The following SORCS3 variants were observed in gnomAD, a reference collection of about 807,000 sequenced individuals.
SORCS3 encodes the protein sortilin related VPS10 domain containing receptor 3.
In SORCS3, 57 loss-of-function variants were observed where a neutral mutation model predicts 146.3. The observed-to-expected ratio is 0.39, with a 90% CI of 0.31 to 0.49. The LOEUF is 0.49. SORCS3 is among the 20% of genes least tolerant of loss of function. SORCS3 has a pLI of 0.92. For missense variants in SORCS3, 1,341 were observed against 1,575.5 expected (o/e 0.85, Z 2.52); for synonymous variants, 653 against 618.5 (o/e 1.06, Z -0.83).
At chr10:105,261,591 C>G (rs2056960878) in intron 25 of SORCS3, among the ~76,000 whole-genome samples, 3 of 152,206 alleles carry the variant, frequency 2.0e-5, no homozygotes, top group Admixed American at 2.0e-4. Context: ...GGCTGGAACA[C>G]ACAGTGTGTG....
At chr10:104,976,007 A>G (rs1258975371) in intron 3 of SORCS3, among the ~76,000 whole-genome samples, 5 of 152,046 alleles carry the variant, frequency 3.3e-5, no homozygotes, top group African/African-American at 4.8e-5. Context: ...ATGGGCAAGG[A>G]CTTCATGTCT....
At chr10:104,829,233 A>G (rs1002645966) in intron 1 of SORCS3, among the ~76,000 whole-genome samples, 7 of 152,236 alleles carry the variant, frequency 4.6e-5, no homozygotes, top group African/African-American at 1.4e-4. Flanking sequence ...CTAGAGTCAG[A>G]GATGCATGTG....
intron 1 of SORCS3, among the ~76,000 whole-genome samples, chr10:104,786,471 C>G (rs867749834): frequency 2.4e-4 from 37 of 151,350 alleles, no homozygotes; most frequent in South Asian, 1.7e-3. Context: ...TCGCTTGGAC[C>G]CGGGAGGTGG....
At chr10:104,969,351 G>GCA (rs1564724764) in intron 3 of SORCS3, among the ~76,000 whole-genome samples, 1 of 150,630 alleles carries the variant, frequency 6.6e-6, no homozygotes, top group African/African-American at 2.4e-5. Context: ...GCGCGCGCGC[G>GCA]TACAGAGCAT....
intron 1 of SORCS3, among the ~76,000 whole-genome samples, chr10:104,761,954 T>C (rs1054317403): frequency 6.6e-6 from 1 of 152,206 alleles, no homozygotes; most frequent in African/African-American, 2.4e-5. Flanking sequence ...TGCTTGTGTG[T>C]GCTTTTCTAT....
In SORCS3 at chr10:105,263,992, G is replaced by T. The variant is rs538887517; in HGVS notation, c.*618G>T. On this transcript the variant is annotated 3_prime_UTR_variant, in exon 27 of 27. Transcript: ENST00000369701. ...AAGAAAACAGAAAAAAGAAAGATGC[G>T]TGTGTTGGCTTACGCACTGGCCCTC... 5.2e-5 allele frequency: 8 copies of T among 152,754 alleles called. No homozygotes were observed. Among genetic ancestry groups the T allele is most frequent in the Admixed American group, 6.5e-5 (1 of 15,326 alleles). 9.5% of individuals were successfully genotyped at this position (152,754 alleles called of 1,614,324 possible).
At chr10:105,146,815 A>G (rs2056134190) in intron 8 of SORCS3, among the ~76,000 whole-genome samples, 1 of 152,124 alleles carries the variant, frequency 6.6e-6, no homozygotes, top group Non-Finnish European at 1.5e-5. Context: ...TTCATTTTTA[A>G]TTGAAAAAAT....
chr10:105,124,792 C>G (rs2055961409), intron 7 of SORCS3, among the ~76,000 whole-genome samples: 1 of 152,142 alleles, frequency 6.6e-6, no homozygotes, highest in Admixed American at 6.5e-5. Context: ...AGATTGCTTC[C>G]TGTTTCTTCT....
intron 6 of SORCS3, among the ~76,000 whole-genome samples, chr10:105,097,785 C>T (rs1238006290): frequency 6.6e-6 from 1 of 152,132 alleles, no homozygotes; most frequent in Non-Finnish European, 1.5e-5. Flanking sequence ...ACCTGGGCTG[C>T]TTTGTGAAGT....
intron 25 of SORCS3, among the ~76,000 whole-genome samples, chr10:105,260,551 T>C (rs1589715785): frequency 1.3e-5 from 2 of 152,184 alleles, no homozygotes; most frequent in East Asian, 3.8e-4. Context: ...CTTTAGTGTA[T>C]GGAAAGCAAA....
intron 1 of SORCS3, among the ~76,000 whole-genome samples, chr10:104,784,854 G>A (rs1461227383): frequency 6.6e-6 from 1 of 152,188 alleles, no homozygotes; most frequent in African/African-American, 2.4e-5. Flanking sequence ...GGCTGACAGG[G>A]CTTTGCAGCT....
chr10:104,969,340 T>TGTGCGCGC (rs398014705), intron 3 of SORCS3, among the ~76,000 whole-genome samples: 7 of 112,330 alleles, frequency 6.2e-5, no homozygotes, highest in African/African-American at 1.8e-4. Context: ...TGTGTGTGTG[T>TGTGCGCGC]GCGCGCGCGC....
Position 104,766,276 on chromosome 10 carries a change from G to A in SORCS3, c.628-76516G>A, listed in dbSNP as rs540767289. On this transcript the variant is annotated intron_variant, in intron 1 of 26. Transcript: ENST00000369701. ...CATGAGCAGAGCTGAGAAAGTGATT[G>A]AGGAGAGTCTTGGTGGAACAGAGAC... Among the ~76,000 whole-genome samples, 5 of 152,300 alleles carry A rather than the reference G, an allele frequency of 3.3e-5. No homozygotes were observed. The South Asian group carries it at 1.0e-3, about 32-fold the overall frequency.
chr10:105,135,235 A>G (rs1052676142), intron 7 of SORCS3, among the ~76,000 whole-genome samples: 1 of 152,118 alleles, frequency 6.6e-6, no homozygotes, highest in Non-Finnish European at 1.5e-5. Context: ...GCTGTGACAG[A>G]TTAGAGTCCA....
At chr10:105,194,916 A>T (rs2056535869) in intron 14 of SORCS3, among the ~76,000 whole-genome samples, 1 of 152,198 alleles carries the variant, frequency 6.6e-6, no homozygotes, top group Non-Finnish European at 1.5e-5. Flanking sequence ...TGGGAGTGAG[A>T]CATTCTATGT....
At chr10:105,191,488 A>G (rs1368486464) in intron 14 of SORCS3, among the ~76,000 whole-genome samples, 2 of 152,240 alleles carry the variant, frequency 1.3e-5, no homozygotes, top group Non-Finnish European at 2.9e-5. Context: ...AATCGTAGGA[A>G]AACATTTTGA....
At chr10:104,716,219 C>T (rs550084943) in intron 1 of SORCS3, among the ~76,000 whole-genome samples, 1 of 152,052 alleles carries the variant, frequency 6.6e-6, no homozygotes, top group Non-Finnish European at 1.5e-5. Flanking sequence ...TATTGATTAT[C>T]TTTCCCAAAC....
At chr10:104,884,959 T>C (rs2018668003) in intron 2 of SORCS3, among the ~76,000 whole-genome samples, 1 of 152,164 alleles carries the variant, frequency 6.6e-6, no homozygotes, top group Non-Finnish European at 1.5e-5. Context: ...ATTGTTTTTC[T>C]CACACTATTT....
At chr10:104,666,124 T>A (rs1205709816) in intron 1 of SORCS3, 3 of 152,242 alleles carry the variant, frequency 2.0e-5, no homozygotes, top group Non-Finnish European at 2.9e-5. Context: ...ACTGGAACTT[T>A]CCCTCTGGTC....
Sources: gnomAD v4.1 joint callset for allele counts (sites outside exome capture counted in the v4.1 genomes callset) on GRCh38, gnomAD v4.1.1 for gene constraint, MANE v1.5 for transcripts, NCBI Gene and HGNC (gene_info 2026-07-23, HGNC 2026-07-21) for gene names.